PIAS1: variants seen among roughly 807,000 people sequenced by gnomAD.
The protein encoded by PIAS1 is protein inhibitor of activated STAT 1, also known as E3 SUMO-protein ligase PIAS1.
A neutral mutation model predicts 71.3 loss-of-function variants in PIAS1; 6 were observed. The ratio of observed to expected loss-of-function variants is 0.08; its 90% confidence interval spans 0.05 to 0.17. PIAS1 has a LOEUF of 0.17. Among genes scored for constraint, PIAS1 ranks in the 10% least tolerant of loss-of-function variants. The probability of loss-of-function intolerance (pLI) is 1.00; values close to 1 mark genes in which losing one functional copy is unlikely to be tolerated. For synonymous variants in PIAS1, 303 were observed against 292.9 expected (o/e 1.03, Z -0.35); for missense variants, 555 against 793.6 (o/e 0.70, Z 3.61).
At chr15:68,075,407 T>C (rs1046100693) in intron 1 of PIAS1, among the ~76,000 whole-genome samples, 7 of 152,164 alleles carry the variant, frequency 4.6e-5, no homozygotes, top group African/African-American at 1.7e-4. Flanking sequence ...TTAAACTTGC[T>C]TTTGCTACTG....
chr15:68,105,146 G>C (rs1038389228), intron 2 of PIAS1, among the ~76,000 whole-genome samples: 8 of 152,136 alleles, frequency 5.3e-5, no homozygotes, highest in Non-Finnish European at 1.2e-4. Context: ...ATCTAGAAGT[G>C]TAGGAAATTC....
intron 1 of PIAS1, among the ~76,000 whole-genome samples, chr15:68,073,885 TAA>T (rs1483315832): frequency 6.6e-6 from 1 of 152,156 alleles, no homozygotes; most frequent in Non-Finnish European, 1.5e-5. Flanking sequence ...GGAGAAAAGT[TAA>T]GAGTCTCTTG....
chr15:68,119,947 G>A (rs1437516314), intron 2 of PIAS1, among the ~76,000 whole-genome samples: 13 of 152,120 alleles, frequency 8.5e-5, no homozygotes, highest in Non-Finnish European at 1.9e-4. Context: ...TTCTCTGACA[G>A]CTTTGGTTTT....
At chr15:68,056,363 C>T (rs1036155869) in intron 1 of PIAS1, among the ~76,000 whole-genome samples, 1 of 152,202 alleles carries the variant, frequency 6.6e-6, no homozygotes, top group African/African-American at 2.4e-5. Flanking sequence ...GGGGATAGAT[C>T]AGATCCCTGG....
chr15:68,172,375 C>T (rs113002386), intron 8 of PIAS1, among the ~76,000 whole-genome samples: 39,251 of 152,090 alleles, frequency 0.26, 5,672 homozygotes, highest in Middle Eastern at 0.38. Context: ...AATAAACATA[C>T]GTGTCCAGTG....
At chr15:68,067,175 G>C (rs1429234369) in intron 1 of PIAS1, among the ~76,000 whole-genome samples, 1 of 152,162 alleles carries the variant, frequency 6.6e-6, no homozygotes, top group Non-Finnish European at 1.5e-5. Context: ...CTTGTGTTAC[G>C]AGAGGCTAGT....
At chr15:68,149,967 A>G (rs1330138514) in intron 6 of PIAS1, among the ~76,000 whole-genome samples, 1 of 152,072 alleles carries the variant, frequency 6.6e-6, no homozygotes. Context: ...ATTAATTTTG[A>G]TAGAATATTA....
chr15:68,176,236 G>A (rs2093019551), intron 10 of PIAS1, among the ~76,000 whole-genome samples: 1 of 152,040 alleles, frequency 6.6e-6, no homozygotes, highest in South Asian at 2.1e-4. Context: ...TTCTGAAGTG[G>A]ACATATGACA....
At chr15:68,056,344 A>G (rs1292370465) in intron 1 of PIAS1, among the ~76,000 whole-genome samples, 1 of 152,242 alleles carries the variant, frequency 6.6e-6, no homozygotes, top group East Asian at 1.9e-4. Flanking sequence ...ATTTTAAGAA[A>G]GTGCCTTTGG....
intron 1 of PIAS1, among the ~76,000 whole-genome samples, chr15:68,060,595 AGAGT>A (rs1267008058): frequency 1.3e-5 from 2 of 152,140 alleles, no homozygotes; most frequent in Non-Finnish European, 2.9e-5. Context: ...GCTGGGCGAC[AGAGT>A]GAGACTCCGT....
intron 2 of PIAS1, among the ~76,000 whole-genome samples, chr15:68,126,249 G>C (rs2092649848): frequency 6.6e-6 from 1 of 151,818 alleles, no homozygotes; most frequent in Non-Finnish European, 1.5e-5. Flanking sequence ...CCTATTCCCA[G>C]ACTAACCCTC....
intron 7 of PIAS1, among the ~76,000 whole-genome samples, chr15:68,154,887 G>A (rs909044374): frequency 1.3e-5 from 2 of 152,150 alleles, no homozygotes; most frequent in African/African-American, 4.8e-5. Context: ...TGCCTTGAAG[G>A]AGAGTATAAG....
At position 68,169,829 on chromosome 15, in the gene PIAS1, C is replaced by G. The variant is rs139110898; in HGVS notation, c.1009-3903C>G. Among the ~76,000 whole-genome samples, 99 of 152,254 alleles carry G rather than the reference C, an allele frequency of 6.5e-4. 1 individual carries two copies. Among genetic ancestry groups the G allele is most frequent in the African/African-American group, 2.3e-3 (95 of 41,532 alleles). On this transcript the variant is annotated intron_variant, in intron 8 of 13. Coordinates refer to ENST00000249636, the MANE Select transcript of PIAS1 (RefSeq NM_016166.3). ...TATGTGTCAGGTACTGTGTAGTAAA[C>G]GTAATTGAATCCCCACAATCATATT...
Position 68,192,386 on chromosome 15 carries a change from T to G in PIAS1, c.*4551T>G, listed in dbSNP as rs2093124375. On this transcript the variant is annotated 3_prime_UTR_variant, in exon 14 of 14. Transcript: ENST00000249636. Reference sequence around the variant, plus strand: ...AAATTCTGCATTTCTGTTTTTGTATTCTTAAGGCAGCCAAATCTCGTAAAC... The same window carrying G: ...AAATTCTGCATTTCTGTTTTTGTATGCTTAAGGCAGCCAAATCTCGTAAAC... 1 of 152,190 alleles carries G rather than the reference T, an allele frequency of 6.6e-6. No homozygotes were observed. The highest frequency in any genetic ancestry group is 1.9e-4 in the East Asian group (1 of 5,198). 9.4% of individuals were successfully genotyped at this position (152,190 alleles called of 1,614,324 possible).
At chr15:68,144,623 G>A (rs886938661) in intron 4 of PIAS1, among the ~76,000 whole-genome samples, 1 of 152,094 alleles carries the variant, frequency 6.6e-6, no homozygotes, top group Non-Finnish European at 1.5e-5. Context: ...TTTAACTATT[G>A]CAGCCTAAAG....
At chr15:68,087,121 C>G (rs2092290291) in intron 2 of PIAS1, among the ~76,000 whole-genome samples, 1 of 152,096 alleles carries the variant, frequency 6.6e-6, no homozygotes, top group Non-Finnish European at 1.5e-5. Context: ...ATCTCTAAAA[C>G]AAATCACTGA....
At chr15:68,073,967 AATAG>A (rs1423837813) in intron 1 of PIAS1, among the ~76,000 whole-genome samples, 1 of 152,148 alleles carries the variant, frequency 6.6e-6, no homozygotes, top group East Asian at 1.9e-4. Flanking sequence ...GGACTTGGTA[AATAG>A]ATTGGAGGTG....
chr15:68,186,827 G>T lies in PIAS1; in HGVS notation c.1663-715G>T, dbSNP rs2093091045. Among the ~76,000 whole-genome samples, 1 of 152,238 alleles carries T rather than the reference G, an allele frequency of 6.6e-6. No homozygotes were observed. The highest frequency in any genetic ancestry group is 2.4e-5 in the African/African-American group (1 of 41,452). Reference sequence around the variant, plus strand: ...CATGCTGTACAGGTTTGTAGCCTGGGAGCAGTAGGCCAGACCACACAGCCT... The same window carrying T: ...CATGCTGTACAGGTTTGTAGCCTGGTAGCAGTAGGCCAGACCACACAGCCT... On this transcript the variant is annotated intron_variant, in intron 13 of 13. Coordinates refer to ENST00000249636, the MANE Select transcript of PIAS1 (RefSeq NM_016166.3). The surrounding 1 kb of genome is among the most constrained non-coding windows in gnomAD (Gnocchi z 4.4).
intron 2 of PIAS1, among the ~76,000 whole-genome samples, chr15:68,116,164 G>C (rs144150429): frequency 6.6e-6 from 1 of 151,644 alleles, no homozygotes; most frequent in African/African-American, 2.4e-5. Flanking sequence ...AAACATTTAT[G>C]TAGGGTTGGT....
Sources: gnomAD v4.1 joint callset for allele counts (sites outside exome capture counted in the v4.1 genomes callset) on GRCh38, gnomAD v4.1.1 for gene constraint, Gnocchi (gnomAD v3.1) non-coding constraint, MANE v1.5 for transcripts, NCBI Gene and HGNC (gene_info 2026-07-23, HGNC 2026-07-21) for gene names.